The following LMNTD1 variants were observed in gnomAD, a reference collection of about 807,000 sequenced individuals.
LMNTD1 encodes the protein lamin tail domain-containing protein 1.
In LMNTD1, 35 loss-of-function variants were observed where a neutral mutation model predicts 50.9. The ratio of observed to expected loss-of-function variants is 0.69; its 90% confidence interval spans 0.53 to 0.91. The LOEUF (loss-of-function observed/expected upper bound fraction) is 0.91. Among genes scored for constraint, LMNTD1 ranks in the 40% least tolerant of loss-of-function variants. LMNTD1 has a pLI of 0.00. For synonymous variants in LMNTD1, 153 were observed against 161.9 expected (o/e 0.94, Z 0.42); for missense variants, 470 against 475.5 (o/e 0.99, Z 0.11).
intron 6 of LMNTD1, among the ~76,000 whole-genome samples, chr12:25,523,329 C>G (rs1179115523): frequency 6.6e-6 from 1 of 152,132 alleles, no homozygotes; most frequent in Non-Finnish European, 1.5e-5. Flanking sequence ...ACTGCGCTGG[C>G]CTAGGCTTCT....
chr12:25,622,651 A>G (rs560315210), intron 1 of LMNTD1, among the ~76,000 whole-genome samples: 3 of 152,160 alleles, frequency 2.0e-5, no homozygotes, highest in African/African-American at 7.2e-5. Flanking sequence ...CCTTTACTCT[A>G]TGCCAGTCAC....
intron 6 of LMNTD1, 73 bp from the exon 7 acceptor site, chr12:25,520,148 A>ATG: frequency 6.2e-6 from 1 of 160,980 alleles, no homozygotes; most frequent in Non-Finnish European, 1.1e-5. Flanking sequence ...AGATATACAT[A>ATG]TATATATATA....
intron 1 of LMNTD1, among the ~76,000 whole-genome samples, chr12:25,618,855 C>T (rs777401584): frequency 3.3e-5 from 5 of 152,132 alleles, no homozygotes; most frequent in African/African-American, 4.8e-5. Context: ...GAGCTTCTTG[C>T]CTTATCCATG....
intron 1 of LMNTD1, among the ~76,000 whole-genome samples, chr12:25,606,496 G>A (rs1946107213): frequency 1.3e-5 from 2 of 152,248 alleles, no homozygotes; most frequent in African/African-American, 4.8e-5. Context: ...ATTATTTTGA[G>A]ATACATCCCA....
chr12:25,583,576 C>T (rs546916538), intron 1 of LMNTD1, among the ~76,000 whole-genome samples: 2 of 152,134 alleles, frequency 1.3e-5, no homozygotes, highest in African/African-American at 2.4e-5. Flanking sequence ...TGGATTTCCC[C>T]GTATCTTTTT....
chr12:25,633,111 C>G (rs1169320824), intron 1 of LMNTD1, among the ~76,000 whole-genome samples: 1 of 151,692 alleles, frequency 6.6e-6, no homozygotes, highest in Non-Finnish European at 1.5e-5. Flanking sequence ...AAGGCCTTGT[C>G]CAACAGGAAA....
intron 3 of LMNTD1, among the ~76,000 whole-genome samples, chr12:25,548,315 A>C (rs1943555871): frequency 6.6e-6 from 1 of 151,914 alleles, no homozygotes; most frequent in Non-Finnish European, 1.5e-5. Context: ...CAGGCTGTAA[A>C]TGGGCACAGA....
intron 1 of LMNTD1, among the ~76,000 whole-genome samples, chr12:25,627,974 G>A (rs957199039): frequency 3.3e-5 from 5 of 151,270 alleles, no homozygotes; most frequent in Admixed American, 1.3e-4. Flanking sequence ...CGGGCATGGT[G>A]GCGCGCGCCT....
chr12:25,615,939 T>G (rs1020806723), intron 1 of LMNTD1, among the ~76,000 whole-genome samples: 1 of 152,202 alleles, frequency 6.6e-6, no homozygotes, highest in African/African-American at 2.4e-5. Context: ...CATTATTCAC[T>G]CATGTATATT....
intron 1 of LMNTD1, among the ~76,000 whole-genome samples, chr12:25,624,577 T>C (rs1031835769): frequency 9.8e-5 from 8 of 81,632 alleles, no homozygotes; most frequent in African/African-American, 2.6e-4. Flanking sequence ...TTCTCAGTTA[T>C]AGGACTTTTA....
Position 25,519,954 on chromosome 12 carries a change from G to T in LMNTD1, c.920C>A (p.Thr307Lys). ...TTTAGTTATTGTAGCTGTAGATGCTGTCCACTGAAACACACGCTTTCGGAA... is the reference window on the plus strand; with the variant it reads ...TTTAGTTATTGTAGCTGTAGATGCTTTCCACTGAAACACACGCTTTCGGAA... The part of the protein sequence containing the change: ...PTFRKRVFQW[T>K]ASTATITKEK... Residue 307 changes from threonine to lysine, a missense_variant, in exon 7 of 10, where the codon ACA (threonine) becomes AAA (lysine). Thr to Lys is a moderately conservative substitution (Grantham distance 78, BLOSUM62 -1). Coordinates refer to ENST00000458174, the MANE Select transcript of LMNTD1 (RefSeq NM_001145728.2). 1.9e-6 allele frequency: 3 copies of T among 1,612,820 alleles called. No homozygotes were observed. Among genetic ancestry groups the T allele is most frequent in the African/African-American group, 1.3e-5 (1 of 74,940 alleles).
At chr12:25,605,665 T>C (rs1490692527) in intron 1 of LMNTD1, among the ~76,000 whole-genome samples, 1 of 152,208 alleles carries the variant, frequency 6.6e-6, no homozygotes, top group Non-Finnish European at 1.5e-5. Flanking sequence ...ATATGTGGCA[T>C]TATTTCTGAG....
chr12:25,484,509 AT>A (rs1380924508), intron 9 of LMNTD1, among the ~76,000 whole-genome samples: 2 of 151,812 alleles, frequency 1.3e-5, no homozygotes, highest in Non-Finnish European at 2.9e-5. Context: ...TTTTAAATTT[AT>A]TTTTTTATTA....
intron 8 of LMNTD1, among the ~76,000 whole-genome samples, chr12:25,515,156 C>T (rs1052934820): frequency 3.3e-5 from 5 of 151,588 alleles, no homozygotes; most frequent in Non-Finnish European, 7.4e-5. Context: ...GTAGACATAA[C>T]ATTTTCTTGG....
intron 8 of LMNTD1, among the ~76,000 whole-genome samples, chr12:25,508,116 G>A (rs78990832): frequency 8.2e-6 from 1 of 122,506 alleles, no homozygotes; most frequent in Non-Finnish European, 1.8e-5. Context: ...TTATTGTTAA[G>A]TTTTTTAAAA....
At chr12:25,585,350 G>T (rs1288864325) in intron 1 of LMNTD1, among the ~76,000 whole-genome samples, 1 of 152,182 alleles carries the variant, frequency 6.6e-6, no homozygotes, top group African/African-American at 2.4e-5. Flanking sequence ...TAGGAAATTA[G>T]CAATTACAAA....
At chr12:25,564,495 G>A (rs140629435) in intron 1 of LMNTD1, among the ~76,000 whole-genome samples, 3,397 of 152,220 alleles carry the variant, frequency 0.022, 51 homozygotes, top group Middle Eastern at 0.058. Context: ...CTGACCTCGT[G>A]ATCCACCTAC....
intron 8 of LMNTD1, among the ~76,000 whole-genome samples, chr12:25,514,522 A>T (rs898423344): frequency 2.0e-5 from 3 of 149,810 alleles, no homozygotes; most frequent in African/African-American, 7.4e-5. Flanking sequence ...GTAGTGGGGG[A>T]TTTGCAGGGC....
intron 9 of LMNTD1, among the ~76,000 whole-genome samples, chr12:25,492,880 T>C (rs546293710): frequency 2.0e-5 from 3 of 152,206 alleles, no homozygotes; most frequent in African/African-American, 7.2e-5. Context: ...GCTCACAATC[T>C]ACTTTTCTGG....
Sources: allele counts gnomAD v4.1 joint callset (sites outside exome capture counted in the v4.1 genomes callset), GRCh38; gene constraint gnomAD v4.1.1; transcripts MANE v1.5; gene names NCBI Gene and HGNC (gene_info 2026-07-23, HGNC 2026-07-21).